ABCB4: variants seen among roughly 807,000 people sequenced by gnomAD.
ABCB4 encodes the protein phosphatidylcholine translocator ABCB4.
In ABCB4, 76 loss-of-function variants were observed where a neutral mutation model predicts 145.7. That is an observed-to-expected ratio of 0.52 (90% CI 0.43 to 0.63). ABCB4 has a LOEUF of 0.63. Ranked by LOEUF, ABCB4 falls within the 30% of genes least tolerant of loss-of-function variation. ABCB4 has a pLI of 0.00. For synonymous variants in ABCB4, 517 were observed against 566.8 expected (o/e 0.91, Z 1.25); for missense variants, 1,234 against 1,553.1 (o/e 0.79, Z 3.45).
chr7:87,397,091 C>T (rs375300772), downstream of ABCB4, among the ~76,000 whole-genome samples: 20 of 152,128 alleles, frequency 1.3e-4, no homozygotes, highest in Admixed American at 7.9e-4. Flanking sequence ...TGGTGGCTCA[C>T]GCCTGTAATC....
At chr7:87,374,138 TA>T in the ABCB4 span, among the ~76,000 whole-genome samples, 1 of 152,228 alleles carries the variant, frequency 6.6e-6, no homozygotes, top group South Asian at 2.1e-4. Flanking sequence ...GTAATGCAGA[TA>T]TTTTTAATAC....
At chr7:87,384,717 A>G in the ABCB4 span, among the ~76,000 whole-genome samples, 2 of 152,230 alleles carry the variant, frequency 1.3e-5, no homozygotes, top group Non-Finnish European at 2.9e-5. Flanking sequence ...TTTTAACTTC[A>G]TATGATCCCA....
At chr7:87,418,087 A>C (rs1332509345) in intron 20 of ABCB4, among the ~76,000 whole-genome samples, 1 of 152,180 alleles carries the variant, frequency 6.6e-6, no homozygotes, top group Non-Finnish European at 1.5e-5. Context: ...CCTCAGCTAA[A>C]GGGGTGGGGG....
Position 87,420,084 on chromosome 7 carries a change from G to C in ABCB4, c.2317-9C>G. ...TTCCCAAACGTGAAACCCTGGTTGA[G>C]AAAAAAGGCTATGGTCTCTTTTGAT... On this transcript the variant is annotated splice_polypyrimidine_tract_variant and intron_variant, in intron 18 of 27. Coordinates refer to ENST00000649586, the MANE Select transcript of ABCB4 (RefSeq NM_000443.4). 1 of 1,613,674 alleles carries C rather than the reference G, an allele frequency of 6.2e-7. No homozygotes were observed. The highest frequency in any genetic ancestry group is 8.5e-7 in the Non-Finnish European group (1 of 1,179,636).
At chr7:87,418,206 G>A (rs1809131054) in intron 20 of ABCB4, among the ~76,000 whole-genome samples, 1 of 152,208 alleles carries the variant, frequency 6.6e-6, no homozygotes, top group African/African-American at 2.4e-5. Flanking sequence ...TTGTTTGGTG[G>A]TTGAGGTAGA....
chr7:87,472,139 G>C (rs1176894402), intron 3 of ABCB4, among the ~76,000 whole-genome samples: 1 of 152,166 alleles, frequency 6.6e-6, no homozygotes. Flanking sequence ...TCTTAAGAAT[G>C]TGGGTCATTG....
intron 23 of ABCB4, among the ~76,000 whole-genome samples, chr7:87,411,128 T>C (rs1252974179): frequency 6.6e-5 from 10 of 152,024 alleles, no homozygotes; most frequent in Non-Finnish European, 1.5e-4. Context: ...AAAGATTATA[T>C]AGATACATTT....
intron 17 of ABCB4, chr7:87,423,690 T>A (rs1809608789): frequency 1.7e-6 from 1 of 587,326 alleles, no homozygotes; most frequent in African/African-American, 1.9e-5. Context: ...TTCATTGATT[T>A]TACATTTTAT....
chr7:87,426,168 G>A (rs1265875447), intron 16 of ABCB4, among the ~76,000 whole-genome samples: 1 of 152,162 alleles, frequency 6.6e-6, no homozygotes, highest in Non-Finnish European at 1.5e-5. Flanking sequence ...GACCACAGAT[G>A]TGATAGGTAG....
Position 87,466,111 on chromosome 7 carries a change from C to G in ABCB4, c.136-3203G>C, listed in dbSNP as rs181886070. 3.0e-3 allele frequency among the ~76,000 whole-genome samples: 456 copies of G among 152,184 alleles called. 4 individuals are homozygous for G. The highest frequency in any genetic ancestry group is 0.01 in the African/African-American group (432 of 41,514). ...TGATCAAACTTCTCTGAGCTAAAGA[C>G]GGAAGTTCGAACCCATGGCAAAGAA... On this transcript the variant is annotated intron_variant, in intron 3 of 27. Coordinates refer to ENST00000649586, the MANE Select transcript of ABCB4 (RefSeq NM_000443.4).
the ABCB4 span, chr7:87,393,028 A>G: frequency 1.2e-6 from 2 of 1,613,488 alleles, no homozygotes; most frequent in South Asian, 1.1e-5. Context: ...CCCATGGTAC[A>G]CAATGGTTAT....
chr7:87,472,679 T>TA lies in ABCB4; in HGVS notation c.81-5dup, dbSNP rs752060081. ...CGTTTTTTTCCTTTTTTGTTTGCTG[T>TA]AAAAAATAGAATTGCTTCAATTTAA... On this transcript the variant is annotated splice_region_variant and splice_polypyrimidine_tract_variant and intron_variant, in intron 2 of 27. Transcript: ENST00000649586. The TA allele has an allele frequency of 6.9e-6, 11 of 1,587,016 alleles. No homozygotes were observed. Among genetic ancestry groups the TA allele is most frequent in the Non-Finnish European group, 9.5e-6 (11 of 1,155,742 alleles).
intron 7 of ABCB4, among the ~76,000 whole-genome samples, chr7:87,450,682 G>A (rs1346757656): frequency 6.6e-6 from 1 of 151,988 alleles, no homozygotes; most frequent in Non-Finnish European, 1.5e-5. Context: ...GTGTTAGCCA[G>A]GATGGTCTCA....
chr7:87,421,488 C>T (rs1809429035), intron 18 of ABCB4, among the ~76,000 whole-genome samples: 1 of 152,252 alleles, frequency 6.6e-6, no homozygotes, highest in African/African-American at 2.4e-5. Flanking sequence ...AAATAAAAAA[C>T]TTGGTTTACT....
intron 3 of ABCB4, among the ~76,000 whole-genome samples, chr7:87,466,284 G>A (rs766241770): frequency 6.6e-6 from 1 of 152,148 alleles, no homozygotes; most frequent in East Asian, 1.9e-4. Flanking sequence ...CGATCAAGTG[G>A]AAGAAAGGGT....
chr7:87,459,809 A>G (rs1277068531), intron 4 of ABCB4, among the ~76,000 whole-genome samples: 1 of 152,230 alleles, frequency 6.6e-6, no homozygotes, highest in Non-Finnish European at 1.5e-5. Flanking sequence ...AATATCTGCG[A>G]CACTTGAAAA....
chr7:87,369,438 G>C, the ABCB4 span: 2 of 1,613,124 alleles, frequency 1.2e-6, no homozygotes, highest in South Asian at 2.2e-5. Context: ...TTTTGTCTTT[G>C]ATGTAATACA....
intron 18 of ABCB4, among the ~76,000 whole-genome samples, chr7:87,420,938 A>G (rs1809372810): frequency 6.6e-6 from 1 of 152,214 alleles, no homozygotes; most frequent in Non-Finnish European, 1.5e-5. Flanking sequence ...ACAAAGTCCT[A>G]CACACGAATT....
chr7:87,385,206 A>AT, the ABCB4 span, among the ~76,000 whole-genome samples: 11 of 144,046 alleles, frequency 7.6e-5, no homozygotes, highest in African/African-American at 2.3e-4. Context: ...GAATTTTTGG[A>AT]TTTTTTTTTC....
Sources: allele counts gnomAD v4.1 joint callset (sites outside exome capture counted in the v4.1 genomes callset), GRCh38; gene constraint gnomAD v4.1.1; transcripts MANE v1.5; gene names NCBI Gene and HGNC (gene_info 2026-07-23, HGNC 2026-07-21).